SPIRE1: variants seen among roughly 807,000 people sequenced by gnomAD.
The protein encoded by SPIRE1 is protein spire homolog 1.
SPIRE1 carries 40 observed loss-of-function variants against 94.1 expected under a neutral mutation model. The ratio of observed to expected loss-of-function variants is 0.43; its 90% confidence interval spans 0.33 to 0.55. The LOEUF (loss-of-function observed/expected upper bound fraction) is 0.55, where lower values mean the gene tolerates loss of function less well. Among genes scored for constraint, SPIRE1 ranks in the 20% least tolerant of loss-of-function variants. The probability of loss-of-function intolerance (pLI) is 0.06; values close to 1 mark genes in which losing one functional copy is unlikely to be tolerated. For missense variants in SPIRE1, 838 were observed against 975.2 expected (o/e 0.86, Z 1.87); for synonymous variants, 376 against 371.7 (o/e 1.01, Z -0.13).
At chr18:12,605,127 A>C (rs1160316733) in intron 2 of SPIRE1, among the ~76,000 whole-genome samples, 2 of 152,246 alleles carry the variant, frequency 1.3e-5, no homozygotes, top group African/African-American at 4.8e-5. Context: ...TCAGTTTTGC[A>C]AAATGAAAAG....
At chr18:12,466,203 A>G (rs2032091931) in intron 10 of SPIRE1, among the ~76,000 whole-genome samples, 3 of 152,202 alleles carry the variant, frequency 2.0e-5, no homozygotes, top group African/African-American at 7.2e-5. Context: ...ATAAAGTATA[A>G]TATTTATTCC....
intron 2 of SPIRE1, among the ~76,000 whole-genome samples, chr18:12,547,888 G>A (rs558259151): frequency 2.6e-5 from 4 of 152,186 alleles, no homozygotes; most frequent in South Asian, 2.1e-4. Context: ...CTGACATTGC[G>A]CCACTGCACT....
chr18:12,537,978 C>G (rs959272793), intron 3 of SPIRE1, among the ~76,000 whole-genome samples: 10 of 152,010 alleles, frequency 6.6e-5, no homozygotes, highest in Admixed American at 3.3e-4. Context: ...AACAGCCTTT[C>G]TTTAAGAAAT....
intron 10 of SPIRE1, among the ~76,000 whole-genome samples, chr18:12,468,580 T>C (rs2032217353): frequency 6.6e-6 from 1 of 152,188 alleles, no homozygotes; most frequent in Admixed American, 6.5e-5. Context: ...TGAAAATCCT[T>C]TGAAGAAGCA....
intron 2 of SPIRE1, among the ~76,000 whole-genome samples, chr18:12,586,660 G>A (rs1045130509): frequency 1.3e-5 from 2 of 152,168 alleles, no homozygotes; most frequent in Admixed American, 6.5e-5. Context: ...TTTTATGGAT[G>A]TGTATGCTTA....
intron 2 of SPIRE1, among the ~76,000 whole-genome samples, chr18:12,620,363 G>T (rs1054952262): frequency 6.6e-5 from 10 of 152,122 alleles, no homozygotes; most frequent in African/African-American, 2.4e-4. Context: ...GGACCTAGAA[G>T]AGCCAAACAA....
intron 2 of SPIRE1, among the ~76,000 whole-genome samples, chr18:12,565,809 G>A (rs2035803123): frequency 6.6e-6 from 1 of 151,998 alleles, no homozygotes; most frequent in African/African-American, 2.4e-5. Context: ...GCCGAGGCAG[G>A]CAGATCATGA....
At chr18:12,567,291 A>C (rs1235965935) in intron 2 of SPIRE1, among the ~76,000 whole-genome samples, 2 of 152,186 alleles carry the variant, frequency 1.3e-5, no homozygotes, top group Non-Finnish European at 2.9e-5. Flanking sequence ...GTATAAGGAA[A>C]AATACAAAAT....
intron 1 of SPIRE1, among the ~76,000 whole-genome samples, chr18:12,655,313 T>A (rs1187894129): frequency 6.6e-6 from 1 of 152,050 alleles, no homozygotes; most frequent in Non-Finnish European, 1.5e-5. Context: ...AATAGAATTT[T>A]TAAGTGTGCA....
intron 2 of SPIRE1, among the ~76,000 whole-genome samples, chr18:12,627,464 A>T (rs1365839754): frequency 6.6e-6 from 1 of 152,086 alleles, no homozygotes; most frequent in East Asian, 1.9e-4. Context: ...TCTATCATCG[A>T]TGGACATTTG....
chr18:12,544,186 T>C (rs1179029207), intron 3 of SPIRE1, among the ~76,000 whole-genome samples: 11 of 151,860 alleles, frequency 7.2e-5, no homozygotes, highest in Non-Finnish European at 1.0e-4. Context: ...AAAAAATTTT[T>C]TTTCTTTCTT....
chr18:12,475,326 T>C (rs2032520846), intron 10 of SPIRE1, among the ~76,000 whole-genome samples: 1 of 152,188 alleles, frequency 6.6e-6, no homozygotes, highest in Non-Finnish European at 1.5e-5. Flanking sequence ...TAGTGTCCAG[T>C]CACATTCTAC....
At chr18:12,590,851 G>A (rs943943471) in intron 2 of SPIRE1, among the ~76,000 whole-genome samples, 2 of 152,190 alleles carry the variant, frequency 1.3e-5, no homozygotes, top group African/African-American at 4.8e-5. Context: ...TTTGTAAAAT[G>A]GGTTATGCAA....
At chr18:12,457,420 G>A (rs1431978614) in intron 12 of SPIRE1, among the ~76,000 whole-genome samples, 1 of 152,206 alleles carries the variant, frequency 6.6e-6, no homozygotes, top group East Asian at 1.9e-4. Context: ...TTAGCACTCT[G>A]GAATGTGGAG....
intron 2 of SPIRE1, among the ~76,000 whole-genome samples, chr18:12,602,649 C>G (rs1258659940): frequency 2.0e-5 from 3 of 152,236 alleles, no homozygotes; most frequent in African/African-American, 7.2e-5. Flanking sequence ...CCCTGATTCT[C>G]TATCCAGAAG....
intron 9 of SPIRE1, among the ~76,000 whole-genome samples, chr18:12,480,364 T>C (rs1382072362): frequency 2.0e-5 from 3 of 152,212 alleles, no homozygotes; most frequent in African/African-American, 7.2e-5. Context: ...TTTCCTCTGA[T>C]GAGTCTGATT....
chr18:12,503,007 G>A (rs568908999), intron 6 of SPIRE1, among the ~76,000 whole-genome samples: 56 of 152,036 alleles, frequency 3.7e-4, no homozygotes, highest in African/African-American at 1.3e-3. Flanking sequence ...TACTTGGGAG[G>A]CTGAGGCAGG....
chr18:12,644,154 G>A (rs923513896), intron 1 of SPIRE1, among the ~76,000 whole-genome samples: 32 of 141,962 alleles, frequency 2.3e-4, no homozygotes, highest in African/African-American at 7.8e-4. Flanking sequence ...AGTTGAGATC[G>A]AGCCACTGCA....
At chr18:12,575,374 T>G (rs1032089509) in intron 2 of SPIRE1, among the ~76,000 whole-genome samples, 1 of 152,228 alleles carries the variant, frequency 6.6e-6, no homozygotes, top group Non-Finnish European at 1.5e-5. Flanking sequence ...TTTATTTATT[T>G]ATTTATTTAG....
Sources: allele counts gnomAD v4.1 joint callset (sites outside exome capture counted in the v4.1 genomes callset), GRCh38; gene constraint gnomAD v4.1.1; transcripts MANE v1.5; gene names NCBI Gene and HGNC (gene_info 2026-07-23, HGNC 2026-07-21).